PANK4: variants seen among roughly 807,000 people sequenced by gnomAD.
The protein encoded by PANK4 is 4'-phosphopantetheine phosphatase.
A neutral mutation model predicts 87.9 loss-of-function variants in PANK4; 40 were observed. That is an observed-to-expected ratio of 0.46 (90% CI 0.35 to 0.59). The LOEUF (loss-of-function observed/expected upper bound fraction) is 0.59. Among genes scored for constraint, PANK4 ranks in the 20% least tolerant of loss-of-function variants. The probability of loss-of-function intolerance (pLI) is 0.00; values close to 1 mark genes in which losing one functional copy is unlikely to be tolerated. For missense variants in PANK4, 926 were observed against 1,072.3 expected (o/e 0.86, Z 1.90); for synonymous variants, 524 against 467.4 (o/e 1.12, Z -1.56).
Position 2,526,538 on chromosome 1 carries a change from T to A in PANK4, c.50A>T (p.Asp17Val). The A allele has an allele frequency of 6.2e-7, 1 of 1,601,398 alleles. No homozygotes were observed. Among genetic ancestry groups the A allele is most frequent in the Non-Finnish European group, 8.5e-7 (1 of 1,174,676 alleles). Residue 17 changes from aspartate to valine, a missense_variant, in exon 1 of 19, where the codon GAC becomes GTC. Coordinates refer to ENST00000378466, the MANE Select transcript of PANK4 (RefSeq NM_018216.4). Reference protein sequence around the residue: ...SGSGSSGDSLDKSITLPPDEI... With the variant: ...SGSGSSGDSLVKSITLPPDEI... ...GTCGGGGGGCAGCGTGATGCTCTTG[T>A]CCAGACTGTCCCCGCTGCTCCCGCT...
chr1:2,520,542 C>T lies in PANK4; in HGVS notation c.607-128G>A. 3.4e-6 allele frequency: 3 copies of T among 887,110 alleles called. No individual in the cohort carries two copies. The highest frequency in any genetic ancestry group is 5.0e-6 in the Non-Finnish European group (3 of 602,674). 55.0% of individuals were successfully genotyped at this position (887,110 alleles called of 1,614,324 possible). A position where few individuals can be genotyped will look rare whatever the true frequency, so the allele number is the denominator to read the frequency against. ...CCCCAACCGCCAGTGGGAGGACTCT[C>T]ATGGCCAAGCCTGGGGGCGCTGATG... On this transcript the variant is annotated intron_variant, in intron 4 of 18. Transcript: ENST00000378466. The surrounding 1 kb of genome is among the most constrained non-coding windows in gnomAD (Gnocchi z 6.2).
rs771993188 is a variant in PANK4, at chr1:2,520,724, T to C, written c.605A>G (p.Lys202Arg). ...VNIGSGVSIVKVETEDRFEWV... is the reference protein window; with the variant it reads ...VNIGSGVSIVRVETEDRFEWV... ...TTCATTCATGAAGCCGGGTCTTACC[T>C]TCACGATGGAGACTCCAGAGCCGAT... Residue 202 changes from lysine to arginine, a missense_variant and splice_region_variant, in exon 4 of 19, where the codon AAG becomes AGG. Transcript: ENST00000378466. The surrounding 1 kb of genome is among the most constrained non-coding windows in gnomAD (Gnocchi z 6.2). 1.2e-6 allele frequency: 2 copies of C among 1,612,520 alleles called. No individual in the cohort carries two copies. Among genetic ancestry groups the C allele is most frequent in the Admixed American group, 3.3e-5 (2 of 59,740 alleles).
In PANK4 at chr1:2,510,011, G is replaced by GC. The variant is rs1643632986; in HGVS notation, c.2039+45dup. 6.3e-7 allele frequency: 1 copy of GC among 1,575,258 alleles called. No homozygotes were observed. The highest frequency in any genetic ancestry group is 1.4e-5 in the African/African-American group (1 of 73,996). On this transcript the variant is annotated intron_variant, in intron 17 of 18. Coordinates refer to ENST00000378466, the MANE Select transcript of PANK4 (RefSeq NM_018216.4). This position sits in a 1 kb window ranked among gnomAD's most constrained non-coding sequence, Gnocchi z 4.9. ...CCATGGCCCACTCTGCCCAGCTGGTGCCCCTCCCCATCAAGGCCCCCCCAG... is the reference window on the plus strand; with the variant it reads ...CCATGGCCCACTCTGCCCAGCTGGTGCCCCCTCCCCATCAAGGCCCCCCCAG...
Position 2,510,950 on chromosome 1 carries a change from AGG to A in PANK4, c.1834-170_1834-169del, listed in dbSNP as rs761904909. On this transcript the variant is annotated intron_variant, in intron 15 of 18. Coordinates refer to ENST00000378466, the MANE Select transcript of PANK4 (RefSeq NM_018216.4). The surrounding 1 kb of genome is among the most constrained non-coding windows in gnomAD (Gnocchi z 4.9). ...TGCAGGGGCCGAGACCAGGGGCTTC[AGG>A]GCCCCAGAGGTGCCGGGACTGGGCT... Among the ~76,000 whole-genome samples the A allele has an allele frequency of 1.4e-4, 21 of 151,674 alleles. No individual in the cohort carries two copies. Among genetic ancestry groups the A allele is most frequent in the Non-Finnish European group, 2.7e-4 (18 of 67,886 alleles).
In PANK4 at chr1:2,509,714, C is replaced by A; in HGVS notation, c.2108+148G>T. 1 of 688,044 alleles carries A rather than the reference C, an allele frequency of 1.5e-6. No individual in the cohort carries two copies. Among genetic ancestry groups the A allele is most frequent in the Non-Finnish European group, 2.6e-6 (1 of 386,000 alleles). The allele number at this position is 688,044 out of a possible 1,614,324, so 42.6% of individuals were successfully genotyped here. A position where few individuals can be genotyped will look rare whatever the true frequency, so the allele number is the denominator to read the frequency against. The stretch of plus-strand genomic sequence containing the variant: ...CACCTTCGGGGATGGCATATCTGTC[C>A]CCTCCTGAGATCAATCCGGGCCTGG... On this transcript the variant is annotated intron_variant, in intron 18 of 18. Coordinates refer to ENST00000378466, the MANE Select transcript of PANK4 (RefSeq NM_018216.4). This position sits in a 1 kb window ranked among gnomAD's most constrained non-coding sequence, Gnocchi z 4.9.
chr1:2,508,582 C>T lies in PANK4; in HGVS notation c.*265G>A, dbSNP rs961716653. ...GGTGCGTGCCCACGGTGCTGCGTCC[C>T]GTCAGACATACCTGTATAGATCTCT... On this transcript the variant is annotated 3_prime_UTR_variant, in exon 19 of 19. Coordinates refer to ENST00000378466, the MANE Select transcript of PANK4 (RefSeq NM_018216.4). This position sits in a 1 kb window ranked among gnomAD's most constrained non-coding sequence, Gnocchi z 5.1. 5.1e-6 allele frequency: 1 copy of T among 197,474 alleles called. No individual in the cohort carries two copies. Among genetic ancestry groups the T allele is most frequent in the East Asian group, 1.2e-4 (1 of 8,390 alleles). 12.2% of individuals were successfully genotyped at this position (197,474 alleles called of 1,614,324 possible). A position where few individuals can be genotyped will look rare whatever the true frequency, so the allele number is the denominator to read the frequency against.
rs563780919 is a variant in PANK4 at position 2,510,067 on chromosome 1, G to C, written c.2029C>G (p.Pro677Ala). The change falls in exon 17 of 19, where the codon CCT becomes GCT. Residue 677 changes from proline to alanine, a missense_variant. By Grantham distance (27) the Pro-to-Ala change is conservative (BLOSUM62 -1). Transcript: ENST00000378466. The surrounding 1 kb of genome is among the most constrained non-coding windows in gnomAD (Gnocchi z 4.9). ...CCCGCCAACACTCACTGCACGACAG[G>C]GTCCATGCCCGCAATACGCTCTGCC... Reference protein sequence around the residue: ...IVAERIAGMDPVVHSALQEER... With the variant: ...IVAERIAGMDAVVHSALQEER... 8.7e-6 allele frequency: 14 copies of C among 1,609,382 alleles called. No homozygotes were observed. In the South Asian group the frequency reaches 1.5e-4, roughly 18 times the overall value.
chr1:2,510,396 T>TCCAATCGGC lies in PANK4; in HGVS notation c.1939-240_1939-239insGCCGATTGG, dbSNP rs60181825. 8 of 598,040 alleles carry TCCAATCGGC rather than the reference T, an allele frequency of 1.3e-5. No individual in the cohort carries two copies. Among genetic ancestry groups the TCCAATCGGC allele is most frequent in the East Asian group, 8.3e-5 (3 of 36,140 alleles). The allele number at this position is 598,040 out of a possible 1,614,324, so 37.0% of individuals were successfully genotyped here. On this transcript the variant is annotated intron_variant, in intron 16 of 18. Coordinates refer to ENST00000378466, the MANE Select transcript of PANK4 (RefSeq NM_018216.4). This position sits in a 1 kb window ranked among gnomAD's most constrained non-coding sequence, Gnocchi z 4.9. ...AGCCTGCCCCTGGGACCTGCCTGTC[T>TCCAATCGGC]GTGAAGTCACAGCCCCAAAGCCTCC...
chr1:2,512,693 G>C (rs988512521), intron 13 of PANK4, 195 bp downstream of exon 13: 63 of 602,474 alleles, frequency 1.0e-4, no homozygotes, highest in East Asian at 8.6e-5. Flanking sequence ...TGAGGGGACA[G>C]ACAAGGGCGC....
At chr1:2,523,764 C>A (rs960882005) in intron 1 of PANK4, among the ~76,000 whole-genome samples, 3 of 151,964 alleles carry the variant, frequency 2.0e-5, no homozygotes, top group East Asian at 1.9e-4. Context: ...GCAGAGGGAA[C>A]CGCCTGCGGG....
chr1:2,510,264 A>G lies in PANK4; in HGVS notation c.1939-107T>C. ...TGGGCTGGGTGAGGGTGCTGTGCCC[A>G]GCGGGCCTGGCCAGCCACCTGCTGC... is the stretch of plus-strand genomic sequence containing the variant. On this transcript the variant is annotated intron_variant, in intron 16 of 18. Transcript: ENST00000378466. The surrounding 1 kb of genome is among the most constrained non-coding windows in gnomAD (Gnocchi z 4.9). 1.3e-6 allele frequency: 1 copy of G among 765,350 alleles called. No homozygotes were observed. The highest frequency in any genetic ancestry group is 1.5e-5 in the South Asian group (1 of 65,864). The allele number at this position is 765,350 out of a possible 1,614,324, so 47.4% of individuals were successfully genotyped here.
chr1:2,512,555 T>A (rs1166577729), intron 13 of PANK4: 1 of 343,104 alleles, frequency 2.9e-6, no homozygotes. Flanking sequence ...CAGAAATGTT[T>A]AATTCCTACC....
At chr1:2,525,691 C>G (rs888235191) in intron 1 of PANK4, 1 of 152,196 alleles carries the variant, frequency 6.6e-6, no homozygotes, top group Non-Finnish European at 1.5e-5. Context: ...GAGTCAGGAG[C>G]GTGGGAAAAA....
Position 2,520,286 on chromosome 1 carries a change from C to T in PANK4, c.699+36G>A. 8 of 1,584,194 alleles carry T rather than the reference C, an allele frequency of 5.0e-6. No homozygotes were observed. The highest frequency in any genetic ancestry group is 1.3e-5 in the African/African-American group (1 of 74,512). On this transcript the variant is annotated intron_variant, in intron 5 of 18. Transcript: ENST00000378466. This position sits in a 1 kb window ranked among gnomAD's most constrained non-coding sequence, Gnocchi z 6.2. Reference sequence around the variant, plus strand: ...CGGGGGAAGGAAGCAGACATCTCCGCAGACCCCTGGAAGGTCTCTGGCAGC... The same window carrying T: ...CGGGGGAAGGAAGCAGACATCTCCGTAGACCCCTGGAAGGTCTCTGGCAGC...
rs1643643237 is a variant in PANK4, at chr1:2,510,518, G to C, written c.1938+160C>G. 1 of 642,128 alleles carries C rather than the reference G, an allele frequency of 1.6e-6. No homozygotes were observed. The highest frequency in any genetic ancestry group is 2.6e-5 in the Admixed American group (1 of 38,238). 39.8% of individuals were successfully genotyped at this position (642,128 alleles called of 1,614,324 possible). A position where few individuals can be genotyped will look rare whatever the true frequency, so the allele number is the denominator to read the frequency against. On this transcript the variant is annotated intron_variant, in intron 16 of 18. Transcript: ENST00000378466. This position sits in a 1 kb window ranked among gnomAD's most constrained non-coding sequence, Gnocchi z 4.9. ...CAGGGGGCTCGGAGCCTCCACCCCA[G>C]CAGATGACGGCTCTGGGCCGCCTCC...
intron 9 of PANK4, among the ~76,000 whole-genome samples, chr1:2,517,568 C>G (rs1375717334): frequency 1.3e-5 from 2 of 152,224 alleles, no homozygotes; most frequent in African/African-American, 4.8e-5. Flanking sequence ...TGGGGGCATC[C>G]CGTGGCTGAC....
chr1:2,516,994 C>T (rs1192385232), intron 9 of PANK4, among the ~76,000 whole-genome samples: 1 of 152,248 alleles, frequency 6.6e-6, no homozygotes, highest in African/African-American at 2.4e-5. Flanking sequence ...AAATAGGTAA[C>T]AAGCGCCTCC....
At position 2,512,965 on chromosome 1, in the gene PANK4, C is replaced by T; in HGVS notation, c.1650G>A (p.Trp550Ter). 1 of 1,612,680 alleles carries T rather than the reference C, an allele frequency of 6.2e-7. No homozygotes were observed. Among genetic ancestry groups the T allele is most frequent in the Non-Finnish European group, 8.5e-7 (1 of 1,179,814 alleles). ...GVVRSLDALG[W>*]EERQLALVKG... ...TCACCAGCGCCAGCTGCCGTTCCTC[C>T]CAGCCCAGCGCGTCCAGGGAGCGCA... The change falls in exon 13 of 19, where the codon TGG (tryptophan) becomes TGA (stop). Residue 550 changes from tryptophan to a stop codon, truncating the protein, a stop_gained. Transcript: ENST00000378466. LOFTEE classifies it high-confidence loss of function.
Position 2,519,320 on chromosome 1 carries a change from G to A in PANK4, c.858C>T (p.Phe286=), listed in dbSNP as rs752350376. ...FGKSATADQE[F]SKEDMAKSLL... ...GGCTCTTCGCCATGTCTTCTTTGGAGAACTCTGAGGAAGGGAAGGAAAAGG... is the reference window on the plus strand; with the variant it reads ...GGCTCTTCGCCATGTCTTCTTTGGAAAACTCTGAGGAAGGGAAGGAAAAGG... The change falls in exon 7 of 19, where the codon TTC becomes TTT. Residue 286 remains phenylalanine (F), a synonymous_variant. Coordinates refer to ENST00000378466, the MANE Select transcript of PANK4 (RefSeq NM_018216.4). This position sits in a 1 kb window ranked among gnomAD's most constrained non-coding sequence, Gnocchi z 8.3. 3 of 1,602,310 alleles carry A rather than the reference G, an allele frequency of 1.9e-6. No homozygotes were observed. The highest frequency in any genetic ancestry group is 2.6e-6 in the Non-Finnish European group (3 of 1,172,362).
Sources: allele counts gnomAD v4.1 joint callset (sites outside exome capture counted in the v4.1 genomes callset), GRCh38; gene constraint gnomAD v4.1.1; non-coding constraint Gnocchi (gnomAD v3.1); transcripts MANE v1.5; gene names NCBI Gene and HGNC (gene_info 2026-07-23, HGNC 2026-07-21).